SGCD: variants seen among roughly 807,000 people sequenced by gnomAD.
SGCD encodes delta-sarcoglycan.
A neutral mutation model predicts 36.6 loss-of-function variants in SGCD; 18 were observed. The observed-to-expected ratio is 0.49, with a 90% CI of 0.34 to 0.73. The LOEUF is 0.73. Ranked by LOEUF, SGCD falls within the 30% of genes least tolerant of loss-of-function variation. SGCD has a pLI of 0.01. For synonymous variants in SGCD, 133 were observed against 130.6 expected (o/e 1.02, Z -0.12); for missense variants, 387 against 346.7 (o/e 1.12, Z -0.92).
intron 3 of SGCD, among the ~76,000 whole-genome samples, chr5:156,503,712 G>A (rs1756556274): frequency 6.6e-6 from 1 of 151,942 alleles, no homozygotes; most frequent in Admixed American, 6.6e-5. Flanking sequence ...TGTAAAAGAA[G>A]GAAAATAATA....
At chr5:156,290,147 T>A (rs1054988143) in intron 3 of SGCD, among the ~76,000 whole-genome samples, 2 of 152,128 alleles carry the variant, frequency 1.3e-5, no homozygotes, top group Non-Finnish European at 2.9e-5. Context: ...CTGTGGGTCC[T>A]TTGATCTTCC....
chr5:156,037,327 G>T (rs557270833), intron 1 of SGCD, among the ~76,000 whole-genome samples: 2 of 152,278 alleles, frequency 1.3e-5, no homozygotes, highest in South Asian at 4.1e-4. Context: ...AACACTGTGT[G>T]TTCAAGGCAG....
At position 156,734,208 on chromosome 5, in the gene SGCD, C is replaced by T. The variant is rs950957535; in HGVS notation, c.576-23373C>T. Among the ~76,000 whole-genome samples, 5 of 152,112 alleles carry T rather than the reference C, an allele frequency of 3.3e-5. No individual in the cohort carries two copies. In the East Asian group the frequency reaches 7.7e-4, roughly 23 times the overall value. On this transcript the variant is annotated intron_variant, in intron 7 of 8. Coordinates refer to ENST00000337851, the MANE Select transcript of SGCD (RefSeq NM_000337.6). ...TTTAAAGAATGTTGAATACTGTCCCCCAATCTCTTCTGGCTCATAGGGTTT... is the reference window on the plus strand; with the variant it reads ...TTTAAAGAATGTTGAATACTGTCCCTCAATCTCTTCTGGCTCATAGGGTTT...
chr5:155,855,912 C>G, the SGCD span, among the ~76,000 whole-genome samples: 2 of 152,014 alleles, frequency 1.3e-5, no homozygotes, highest in East Asian at 1.9e-4. Context: ...ACACTTGTAA[C>G]TGTATTCCAT....
chr5:156,294,987 C>T lies in SGCD; in HGVS notation c.-43-34547C>T, dbSNP rs79113691. ...TTCCATATCAGGGCAATGCTGACCA[C>T]ATAGATTGAGTTAGGGAGTGTTCCC... On this transcript the variant is annotated intron_variant, in intron 3 of 9. Transcript: ENST00000517913. Among the ~76,000 whole-genome samples, 1,117 of 152,250 alleles carry T rather than the reference C, an allele frequency of 7.3e-3. 7 individuals carry two copies. Among genetic ancestry groups the T allele is most frequent in the African/African-American group, 0.021 (868 of 41,542 alleles).
intron 3 of SGCD, among the ~76,000 whole-genome samples, chr5:156,397,584 T>C (rs540923610): frequency 1.3e-5 from 2 of 152,262 alleles, no homozygotes; most frequent in South Asian, 2.1e-4. Context: ...CACTGGGCAG[T>C]TGGACGTTCA....
At chr5:155,993,338 T>C (rs1479123414) in intron 1 of SGCD, among the ~76,000 whole-genome samples, 1 of 71,660 alleles carries the variant, frequency 1.4e-5, no homozygotes, top group Admixed American at 1.3e-4. Flanking sequence ...TCTGGGGTCC[T>C]TTTTTTTTTT....
rs58745098 is a variant in SGCD at position 156,204,473 on chromosome 5, T to TACACAC, written c.-44+80480_-44+80485dup. ...TTAACTAGTTTAGCCAACACACTCA[T>TACACAC]ACACACACACACACACACACACACA... is the stretch of plus-strand genomic sequence containing the variant. On this transcript the variant is annotated intron_variant, in intron 3 of 9. Transcript: ENST00000517913. Among the ~76,000 whole-genome samples the TACACAC allele has an allele frequency of 1.2e-3, 178 of 147,500 alleles. 1 individual carries two copies. Among genetic ancestry groups the TACACAC allele is most frequent in the East Asian group, 7.5e-3 (37 of 4,938 alleles).
chr5:155,943,526 G>T (rs1409711772), intron 1 of SGCD, among the ~76,000 whole-genome samples: 1 of 152,054 alleles, frequency 6.6e-6, no homozygotes, highest in East Asian at 1.9e-4. Context: ...GTTATCAATG[G>T]ACTGTAATAA....
At chr5:156,420,069 A>G (rs188888027) in intron 3 of SGCD, among the ~76,000 whole-genome samples, 149 of 152,206 alleles carry the variant, frequency 9.8e-4, no homozygotes, top group Non-Finnish European at 1.8e-3. Flanking sequence ...GGGGTATCTT[A>G]CTTTAGTTTT....
chr5:156,409,183 C>T (rs887664045), intron 3 of SGCD, among the ~76,000 whole-genome samples: 4 of 152,174 alleles, frequency 2.6e-5, no homozygotes, highest in Non-Finnish European at 5.9e-5. Context: ...TTTTCTTTCT[C>T]AGTGCCCTCA....
intron 3 of SGCD, among the ~76,000 whole-genome samples, chr5:156,248,781 T>C (rs1765503390): frequency 6.6e-6 from 1 of 152,090 alleles, no homozygotes; most frequent in South Asian, 2.1e-4. Flanking sequence ...GAGCAAGAGA[T>C]AAAGATGGAT....
chr5:156,225,373 A>C (rs571797095), intron 3 of SGCD, among the ~76,000 whole-genome samples: 1 of 152,254 alleles, frequency 6.6e-6, no homozygotes, highest in African/African-American at 2.4e-5. Context: ...AAGCTACTTA[A>C]CACAAAACTT....
At chr5:156,482,381 A>G (rs11960698) in intron 3 of SGCD, among the ~76,000 whole-genome samples, 400 of 152,352 alleles carry the variant, frequency 2.6e-3, no homozygotes, top group African/African-American at 8.9e-3. Flanking sequence ...AGGAAGGGTA[A>G]TATTGTTTCA....
the SGCD span, among the ~76,000 whole-genome samples, chr5:155,825,692 C>T: frequency 6.6e-6 from 1 of 151,098 alleles, no homozygotes. Context: ...GGAGTGCAAG[C>T]AATTGATATA....
chr5:156,472,442 G>A (rs1321701877), intron 3 of SGCD, among the ~76,000 whole-genome samples: 3 of 151,886 alleles, frequency 2.0e-5, no homozygotes, highest in African/African-American at 7.3e-5. Context: ...TTTCGAGGCC[G>A]AGTCTCACTC....
At position 156,471,204 on chromosome 5, in the gene SGCD, A is replaced by G. The variant is rs934729273; in HGVS notation, c.193-37397A>G. ...GAGGTATACCATAGTCATTGAGCAG[A>G]AAATTCCATATTTTTAAGATACTTC... On this transcript the variant is annotated intron_variant, in intron 3 of 8. Transcript: ENST00000337851. 2.6e-5 allele frequency among the ~76,000 whole-genome samples: 4 copies of G among 152,178 alleles called. No homozygotes were observed. The East Asian group carries it at 7.7e-4, about 29-fold the overall frequency.
chr5:155,962,954 T>C (rs1346279004), intron 1 of SGCD, among the ~76,000 whole-genome samples: 1 of 152,178 alleles, frequency 6.6e-6, no homozygotes, highest in Non-Finnish European at 1.5e-5. Flanking sequence ...GAAAATTACT[T>C]TCAGAATTCT....
At chr5:156,153,513 T>A (rs1762876272) in intron 3 of SGCD, among the ~76,000 whole-genome samples, 1 of 151,790 alleles carries the variant, frequency 6.6e-6, no homozygotes, top group South Asian at 2.1e-4. Context: ...TCAAATTTTT[T>A]ATTTCCTTAT....
Sources: allele counts gnomAD v4.1 joint callset (sites outside exome capture counted in the v4.1 genomes callset), GRCh38; gene constraint gnomAD v4.1.1; transcripts MANE v1.5; gene names NCBI Gene and HGNC (gene_info 2026-07-23, HGNC 2026-07-21).